XRCC4: variants seen among roughly 807,000 people sequenced by gnomAD.
XRCC4 encodes the protein DNA repair protein XRCC4.
XRCC4 carries 28 observed loss-of-function variants against 39.1 expected under a neutral mutation model. That is an observed-to-expected ratio of 0.72 (90% confidence interval 0.53 to 0.98). The LOEUF is 0.98. Among genes scored for constraint, XRCC4 ranks in the 50% least tolerant of loss-of-function variants. XRCC4 has a pLI of 0.00. For missense variants in XRCC4, 350 were observed against 376.4 expected (o/e 0.93, Z 0.58); for synonymous variants, 123 against 126.4 (o/e 0.97, Z 0.18).
rs764670577 is a variant in XRCC4, at chr5:83,353,153, A to G, written c.916A>G (p.Thr306Ala). The change falls in exon 8 of 8, where the codon ACG becomes GCG. Residue 306 changes from threonine (T) to alanine (A), a missense_variant. Thr to Ala is a moderately conservative substitution (Grantham distance 58). Coordinates refer to ENST00000396027, the MANE Select transcript of XRCC4 (RefSeq NM_003401.5). ...TAGGCCTGATTCTTCACTACCTGAGACGTCTAAAAAGGAGCACATCTCAGC... is the reference window on the plus strand; with the variant it reads ...TAGGCCTGATTCTTCACTACCTGAGGCGTCTAAAAAGGAGCACATCTCAGC... ...KEKPDSSLPE[T>A]SKKEHISAEN... 1 of 1,611,002 alleles carries G rather than the reference A, an allele frequency of 6.2e-7. No individual in the cohort carries two copies. Among genetic ancestry groups the G allele is most frequent in the South Asian group, 1.1e-5 (1 of 90,514 alleles).
chr5:83,205,151 C>A (rs1751370365), intron 6 of XRCC4, among the ~76,000 whole-genome samples: 1 of 152,122 alleles, frequency 6.6e-6, no homozygotes. Flanking sequence ...CACATATACT[C>A]CAAGGTATAC....
intron 3 of XRCC4, among the ~76,000 whole-genome samples, chr5:83,130,556 C>G (rs1208272267): frequency 6.6e-6 from 1 of 152,158 alleles, no homozygotes; most frequent in Non-Finnish European, 1.5e-5. Context: ...ACCAGCTCCT[C>G]TTTGTACCTC....
chr5:83,196,457 G>A (rs1215660338), intron 4 of XRCC4, among the ~76,000 whole-genome samples: 1 of 151,948 alleles, frequency 6.6e-6, no homozygotes, highest in African/African-American at 2.4e-5. Flanking sequence ...ACATTTGGAA[G>A]CCTTTTATTT....
chr5:83,354,501 A>C (rs1757167688), downstream of XRCC4, among the ~76,000 whole-genome samples: 1 of 152,236 alleles, frequency 6.6e-6, no homozygotes, highest in African/African-American at 2.4e-5. Context: ...GGGTGTATGT[A>C]TAATTTATCA....
At chr5:83,161,428 G>A (rs1165403387) in intron 3 of XRCC4, among the ~76,000 whole-genome samples, 2 of 151,964 alleles carry the variant, frequency 1.3e-5, no homozygotes, top group South Asian at 4.1e-4. Context: ...CACCACGACC[G>A]GCCCTTTTTA....
chr5:83,305,301 T>C (rs1161564660), intron 7 of XRCC4, among the ~76,000 whole-genome samples: 3 of 152,116 alleles, frequency 2.0e-5, no homozygotes, highest in African/African-American at 7.2e-5. Flanking sequence ...TTTTTTGTTT[T>C]ATCTAATCCA....
chr5:83,161,707 A>G (rs979901450), intron 3 of XRCC4, among the ~76,000 whole-genome samples: 12 of 152,210 alleles, frequency 7.9e-5, no homozygotes, highest in African/African-American at 2.2e-4. Flanking sequence ...TTCAATCAAC[A>G]TATTTGTTCG....
intron 6 of XRCC4, among the ~76,000 whole-genome samples, chr5:83,208,660 T>G (rs1032306318): frequency 8.5e-5 from 13 of 152,060 alleles, no homozygotes; most frequent in African/African-American, 3.1e-4. Context: ...TCATATGTAC[T>G]GTATGATGTA....
chr5:83,360,199 G>C, the XRCC4 span, among the ~76,000 whole-genome samples: 1 of 152,094 alleles, frequency 6.6e-6, no homozygotes, highest in Non-Finnish European at 1.5e-5. Flanking sequence ...AGTTCTCTCT[G>C]TCACTCTCTC....
At chr5:83,372,180 T>TA in the XRCC4 span, among the ~76,000 whole-genome samples, 120 of 150,376 alleles carry the variant, frequency 8.0e-4, 1 homozygote, top group East Asian at 0.013. Context: ...GGTTAAGGAA[T>TA]AAAAAAAAAA....
At chr5:83,222,587 T>C (rs2112792014) in intron 6 of XRCC4, among the ~76,000 whole-genome samples, 1 of 152,310 alleles carries the variant, frequency 6.6e-6, no homozygotes, top group Middle Eastern at 3.4e-3. Context: ...AATTTCTTTA[T>C]TGGCCAAATT....
At chr5:83,320,939 G>T (rs1372746909) in intron 7 of XRCC4, among the ~76,000 whole-genome samples, 3 of 150,106 alleles carry the variant, frequency 2.0e-5, no homozygotes, top group African/African-American at 4.9e-5. Context: ...AGCCTCCCAA[G>T]TAGCTGGAAC....
At chr5:83,162,162 G>A (rs940792490) in intron 3 of XRCC4, among the ~76,000 whole-genome samples, 2 of 151,920 alleles carry the variant, frequency 1.3e-5, no homozygotes, top group Non-Finnish European at 2.9e-5. Context: ...GCGAGACAAC[G>A]TTTCAAAAAT....
chr5:83,113,590 C>A (rs1221550056), intron 3 of XRCC4, among the ~76,000 whole-genome samples: 1 of 152,090 alleles, frequency 6.6e-6, no homozygotes, highest in Non-Finnish European at 1.5e-5. Context: ...GCCCCTGCAG[C>A]AAACTTCTGC....
intron 6 of XRCC4, among the ~76,000 whole-genome samples, chr5:83,224,704 C>T (rs1257780194): frequency 6.6e-6 from 1 of 152,090 alleles, no homozygotes; most frequent in Non-Finnish European, 1.5e-5. Flanking sequence ...TGGTGATAAA[C>T]TCTCTCAGCT....
At position 83,187,253 on chromosome 5, in the gene XRCC4, A is replaced by G. The variant is rs561241215; in HGVS notation, c.316-8517A>G. Among the ~76,000 whole-genome samples, 31 of 152,134 alleles carry G rather than the reference A, an allele frequency of 2.0e-4. 6 individuals carry two copies. Among genetic ancestry groups the G allele is most frequent in the African/African-American group, 7.5e-4 (31 of 41,508 alleles). ...CCACCGCGCCCGGCCCTCCATTTTT[A>G]ACGGTAGCAGTTTTGTATCTCTCTG... On this transcript the variant is annotated intron_variant, in intron 3 of 7. Transcript: ENST00000396027.
At chr5:83,144,217 T>A (rs1481841149) in intron 3 of XRCC4, among the ~76,000 whole-genome samples, 1 of 151,544 alleles carries the variant, frequency 6.6e-6, no homozygotes, top group Non-Finnish European at 1.5e-5. Flanking sequence ...CCATCCAAGT[T>A]CCTGCAAAAG....
At chr5:83,347,642 G>T (rs1156681099) in intron 7 of XRCC4, among the ~76,000 whole-genome samples, 1 of 152,106 alleles carries the variant, frequency 6.6e-6, no homozygotes, top group African/African-American at 2.4e-5. Flanking sequence ...CATGAGATTT[G>T]GGTGCAGACA....
chr5:83,335,265 T>G (rs538289814), intron 7 of XRCC4, among the ~76,000 whole-genome samples: 2 of 151,854 alleles, frequency 1.3e-5, no homozygotes, highest in East Asian at 3.8e-4. Flanking sequence ...TGGCCTGATA[T>G]AGCAATCAAC....
Sources: gnomAD v4.1 joint callset for allele counts (sites outside exome capture counted in the v4.1 genomes callset) on GRCh38, gnomAD v4.1.1 for gene constraint, MANE v1.5 for transcripts, NCBI Gene and HGNC (gene_info 2026-07-23, HGNC 2026-07-21) for gene names.